Variants in NFYC observed in about 807,000 individuals in gnomAD.
The protein encoded by NFYC is CAAT box DNA-binding protein subunit C.
Under a neutral mutation model 53.1 loss-of-function variants are expected in NFYC, and 25 were observed. The observed-to-expected ratio is 0.47, with a 90% CI of 0.34 to 0.66. The LOEUF (loss-of-function observed/expected upper bound fraction) is 0.66, where lower values mean the gene tolerates loss of function less well. NFYC is among the 30% of genes least tolerant of loss of function. The pLI is 0.01. For missense variants in NFYC, 260 were observed against 422.7 expected, an observed-to-expected ratio of 0.62 and a Z score of 3.38; for synonymous variants, 145 against 152.6, an observed-to-expected ratio of 0.95 and a Z score of 0.37.
At chr1:40,757,271 C>T (rs756284051) in intron 5 of NFYC, 13 of 527,010 alleles carry the variant, frequency 2.5e-5, no homozygotes, top group African/African-American at 2.1e-4. Context: ...AACCCTGGAC[C>T]CTGTGGGCTA....
intron 1 of NFYC, among the ~76,000 whole-genome samples, chr1:40,716,477 G>A (rs912125822): frequency 6.6e-6 from 1 of 152,178 alleles, no homozygotes; most frequent in Non-Finnish European, 1.5e-5. Flanking sequence ...AAAGAAGTAT[G>A]GAGAAGTAGA....
At chr1:40,711,443 A>T (rs1308692703) in intron 1 of NFYC, among the ~76,000 whole-genome samples, 1 of 152,208 alleles carries the variant, frequency 6.6e-6, no homozygotes, top group Non-Finnish European at 1.5e-5. Context: ...TGTTGGCCCT[A>T]GGAGAAGGCC....
At chr1:40,697,993 GT>G (rs1643240258) in intron 1 of NFYC, among the ~76,000 whole-genome samples, 1 of 152,218 alleles carries the variant, frequency 6.6e-6, no homozygotes. Flanking sequence ...TAAACTTGTA[GT>G]TTAAAGAGTG....
At chr1:40,758,391 T>A (rs1646347075) in intron 6 of NFYC, 97 bp downstream of exon 6, 1 of 1,301,702 alleles carries the variant, frequency 7.7e-7, no homozygotes, top group African/African-American at 1.5e-5. Context: ...AGCCAGATCA[T>A]TATAGAGCAC....
intron 1 of NFYC, among the ~76,000 whole-genome samples, chr1:40,710,995 G>A (rs1643911065): frequency 6.6e-6 from 1 of 152,118 alleles, no homozygotes; most frequent in Admixed American, 6.6e-5. Context: ...TTCAGATTAG[G>A]AATTTTCAGG....
chr1:40,715,693 A>C (rs1644109673), intron 1 of NFYC, among the ~76,000 whole-genome samples: 1 of 152,166 alleles, frequency 6.6e-6, no homozygotes, highest in Non-Finnish European at 1.5e-5. Flanking sequence ...ATTGACCAAA[A>C]GTTTTTCTCT....
intron 1 of NFYC, chr1:40,730,620 T>C: frequency 1.0e-6 from 1 of 984,542 alleles, no homozygotes; most frequent in Non-Finnish European, 1.2e-6. Context: ...AGTGCCTTGA[T>C]CATAGAGAGA....
chr1:40,722,273 C>A (rs1361059481), intron 1 of NFYC, among the ~76,000 whole-genome samples: 1 of 151,806 alleles, frequency 6.6e-6, no homozygotes, highest in East Asian at 1.9e-4. Flanking sequence ...ATTGACACAC[C>A]CAAGGATTTA....
intron 4 of NFYC, among the ~76,000 whole-genome samples, chr1:40,751,429 A>T (rs1278407802): frequency 2.4e-4 from 36 of 152,138 alleles, no homozygotes; most frequent in Non-Finnish European, 5.9e-5. Flanking sequence ...TTTTTGAGAT[A>T]GGGTCTCACT....
chr1:40,727,212 T>TTGG (rs1553153803), intron 1 of NFYC, among the ~76,000 whole-genome samples: 3,095 of 152,108 alleles, frequency 0.02, 43 homozygotes, highest in Middle Eastern at 0.031. Flanking sequence ...TGTTTGTTTG[T>TTGG]TTGGTTGGTT....
intron 1 of NFYC, among the ~76,000 whole-genome samples, chr1:40,697,457 G>A: frequency 6.6e-6 from 1 of 152,190 alleles, no homozygotes; most frequent in East Asian, 1.9e-4. Context: ...CAAAGTAGTA[G>A]GATCATTTGT....
chr1:40,693,147 T>C (rs1642930093), intron 1 of NFYC, among the ~76,000 whole-genome samples: 1 of 152,220 alleles, frequency 6.6e-6, no homozygotes, highest in Admixed American at 6.5e-5. Context: ...ATTTTTTGTT[T>C]GTTTTTTCAA....
chr1:40,722,843 T>C (rs1284351088), intron 1 of NFYC, among the ~76,000 whole-genome samples: 1 of 152,184 alleles, frequency 6.6e-6, no homozygotes, highest in Non-Finnish European at 1.5e-5. Context: ...CGCAGCTGAG[T>C]ATTCATAGGT....
intron 6 of NFYC, among the ~76,000 whole-genome samples, chr1:40,761,006 C>A (rs905907424): frequency 1.3e-5 from 2 of 152,204 alleles, no homozygotes; most frequent in African/African-American, 2.4e-5. Context: ...AGGGCAGGCT[C>A]TGATTGGCTG....
intron 1 of NFYC, among the ~76,000 whole-genome samples, chr1:40,729,146 A>G (rs1303070172): frequency 6.6e-6 from 1 of 152,150 alleles, no homozygotes; most frequent in Non-Finnish European, 1.5e-5. Context: ...GAATTTTTGG[A>G]ATGGTAAATG....
chr1:40,762,038 A>G (rs2148766744), intron 6 of NFYC, among the ~76,000 whole-genome samples: 1 of 151,782 alleles, frequency 6.6e-6, no homozygotes, highest in African/African-American at 2.4e-5. Flanking sequence ...AGAATAATTG[A>G]CCCTTTTGGC....
At chr1:40,708,955 T>G (rs1441208385) in intron 1 of NFYC, among the ~76,000 whole-genome samples, 1 of 152,206 alleles carries the variant, frequency 6.6e-6, no homozygotes, top group Non-Finnish European at 1.5e-5. Context: ...TAAATTACCT[T>G]AAATTTTTTA....
chr1:40,748,600 T>C (rs1250500438), intron 3 of NFYC, among the ~76,000 whole-genome samples: 1 of 152,196 alleles, frequency 6.6e-6, no homozygotes, highest in East Asian at 1.9e-4. Context: ...ATGAGTTTCT[T>C]TTACATGAAT....
intron 6 of NFYC, among the ~76,000 whole-genome samples, chr1:40,759,245 A>AG (rs1393834603): frequency 6.6e-6 from 1 of 151,510 alleles, no homozygotes; most frequent in Non-Finnish European, 1.5e-5. Flanking sequence ...AAAAAAAAAA[A>AG]AAAAGGCAGG....
Sources: allele counts gnomAD v4.1 joint callset (sites outside exome capture counted in the v4.1 genomes callset), GRCh38; gene constraint gnomAD v4.1.1; transcripts MANE v1.5; gene names NCBI Gene and HGNC (gene_info 2026-07-23, HGNC 2026-07-21).